The following GABRG3 variants were observed in gnomAD, a reference collection of about 807,000 sequenced individuals.
The protein encoded by GABRG3 is gamma-aminobutyric acid type A receptor subunit gamma3, also known as gamma-aminobutyric acid receptor subunit gamma-3.
A neutral mutation model predicts 48.8 loss-of-function variants in GABRG3; 25 were observed. The observed-to-expected ratio is 0.51, with a 90% confidence interval of 0.37 to 0.72. GABRG3 has a LOEUF of 0.72. Among genes scored for constraint, GABRG3 ranks in the 30% least tolerant of loss-of-function variants. The pLI is 0.00. For missense variants in GABRG3, 394 were observed against 577.9 expected, an observed-to-expected ratio of 0.68 and a Z score of 3.26; for synonymous variants, 227 against 217.6, an observed-to-expected ratio of 1.04 and a Z score of -0.38.
At chr15:27,062,579 G>A (rs1161485717) in intron 3 of GABRG3, among the ~76,000 whole-genome samples, 4 of 152,028 alleles carry the variant, frequency 2.6e-5, no homozygotes, top group South Asian at 4.1e-4. Flanking sequence ...TTACACTGCA[G>A]CCTGGGCGAC....
intron 3 of GABRG3, among the ~76,000 whole-genome samples, chr15:27,326,450 A>G (rs1312336498): frequency 2.0e-5 from 3 of 152,172 alleles, no homozygotes; most frequent in Non-Finnish European, 4.4e-5. Context: ...CATTTTATAG[A>G]TCAGAGAACA....
intron 1 of GABRG3, among the ~76,000 whole-genome samples, chr15:26,971,876 G>A (rs1019670955): frequency 6.6e-6 from 1 of 152,174 alleles, no homozygotes; most frequent in African/African-American, 2.4e-5. Flanking sequence ...ACCAGGTTCA[G>A]GGGGCAGGGG....
At chr15:27,127,793 G>A (rs987505435) in intron 3 of GABRG3, among the ~76,000 whole-genome samples, 29 of 151,746 alleles carry the variant, frequency 1.9e-4, no homozygotes, top group African/African-American at 9.7e-5. Context: ...AACAATACAC[G>A]TGTTTACAAC....
At chr15:27,194,276 A>T (rs534718368) in intron 3 of GABRG3, among the ~76,000 whole-genome samples, 1 of 152,360 alleles carries the variant, frequency 6.6e-6, no homozygotes, top group South Asian at 2.1e-4. Flanking sequence ...TTATGATTCA[A>T]CCATCAAATG....
rs1425680714 is a variant in GABRG3 at position 26,976,202 on chromosome 15, A to G, written c.54-800A>G. On this transcript the variant is annotated intron_variant, in intron 1 of 9. Transcript: ENST00000615808. The surrounding 1 kb of genome is among the most constrained non-coding windows in gnomAD (Gnocchi z 7.8). ...CTCCTGTCAGTGTGTGTCACACGGG[A>G]GAGGAGGCTGTCCAGCTCCTCCCTG... is the stretch of plus-strand genomic sequence containing the variant. Among the ~76,000 whole-genome samples the G allele has an allele frequency of 6.6e-6, 1 of 152,092 alleles. No individual in the cohort carries two copies. Among genetic ancestry groups the G allele is most frequent in the Non-Finnish European group, 1.5e-5 (1 of 68,024 alleles).
intron 3 of GABRG3, among the ~76,000 whole-genome samples, chr15:27,057,725 T>C (rs1896574985): frequency 6.6e-6 from 1 of 152,220 alleles, no homozygotes; most frequent in Non-Finnish European, 1.5e-5. Context: ...CACGTACTTA[T>C]TCTTTGGAAA....
chr15:27,315,231 A>G (rs1423872085), intron 3 of GABRG3, among the ~76,000 whole-genome samples: 1 of 152,244 alleles, frequency 6.6e-6, no homozygotes, highest in Non-Finnish European at 1.5e-5. Context: ...CTAAGTGATA[A>G]CAGATTAGCA....
chr15:27,336,489 A>G (rs979627388), intron 5 of GABRG3, among the ~76,000 whole-genome samples: 3 of 152,210 alleles, frequency 2.0e-5, no homozygotes, highest in Admixed American at 2.0e-4. Context: ...ATCACTACAT[A>G]CCTATTAGAA....
At chr15:27,403,033 G>C (rs1220412264) in intron 5 of GABRG3, among the ~76,000 whole-genome samples, 2 of 151,988 alleles carry the variant, frequency 1.3e-5, no homozygotes, top group Non-Finnish European at 2.9e-5. Flanking sequence ...ACCATTACTA[G>C]AATGTTCAAG....
At chr15:27,425,788 A>G (rs550515101) in intron 5 of GABRG3, among the ~76,000 whole-genome samples, 3 of 152,334 alleles carry the variant, frequency 2.0e-5, no homozygotes, top group East Asian at 3.9e-4. Context: ...TGTAATTGGT[A>G]TGAAGGTTTA....
At chr15:27,385,702 C>A (rs1374294062) in intron 5 of GABRG3, among the ~76,000 whole-genome samples, 1 of 152,110 alleles carries the variant, frequency 6.6e-6, no homozygotes, top group Non-Finnish European at 1.5e-5. Flanking sequence ...CCTTTCAAAT[C>A]CAGAATTTTC....
At chr15:27,030,219 T>C (rs1230883470) in intron 3 of GABRG3, among the ~76,000 whole-genome samples, 1 of 152,234 alleles carries the variant, frequency 6.6e-6, no homozygotes. Context: ...GGTAAAATTA[T>C]GGCTTCTTGT....
chr15:27,383,435 T>A (rs931410988), intron 5 of GABRG3, among the ~76,000 whole-genome samples: 4 of 152,200 alleles, frequency 2.6e-5, no homozygotes, highest in South Asian at 2.1e-4. Flanking sequence ...GGCTGTGGCT[T>A]TGGGCAACTC....
At chr15:27,242,458 G>T (rs934931349) in intron 3 of GABRG3, among the ~76,000 whole-genome samples, 9 of 152,146 alleles carry the variant, frequency 5.9e-5, no homozygotes, top group African/African-American at 2.2e-4. Flanking sequence ...AATCCAGTGA[G>T]GTCTTGCCTG....
intron 6 of GABRG3, among the ~76,000 whole-genome samples, chr15:27,498,340 A>G (rs1055522090): frequency 2.0e-5 from 3 of 151,936 alleles, no homozygotes; most frequent in African/African-American, 7.3e-5. Flanking sequence ...CTCTGCTTCT[A>G]AATTATTTGT....
At chr15:27,490,421 T>C (rs988510795) in intron 6 of GABRG3, among the ~76,000 whole-genome samples, 71 of 152,290 alleles carry the variant, frequency 4.7e-4, no homozygotes, top group African/African-American at 1.7e-3. Flanking sequence ...GGAGCTTACA[T>C]AGGTGATGTC....
At chr15:27,527,199 T>C (rs1338855723) in intron 7 of GABRG3, among the ~76,000 whole-genome samples, 2 of 152,246 alleles carry the variant, frequency 1.3e-5, no homozygotes, top group East Asian at 3.8e-4. Flanking sequence ...TTGAAAGGTG[T>C]TGATTTGATT....
intron 5 of GABRG3, among the ~76,000 whole-genome samples, chr15:27,338,776 C>A (rs1031115553): frequency 1.3e-5 from 2 of 152,172 alleles, no homozygotes; most frequent in African/African-American, 4.8e-5. Flanking sequence ...GACAAACCAG[C>A]AAATGTATAT....
intron 3 of GABRG3, among the ~76,000 whole-genome samples, chr15:27,284,366 T>C (rs1891539467): frequency 6.6e-6 from 1 of 152,198 alleles, no homozygotes; most frequent in African/African-American, 2.4e-5. Context: ...ATTCCCCAAA[T>C]ATTTGCCAAG....
Sources: allele counts gnomAD v4.1 joint callset (sites outside exome capture counted in the v4.1 genomes callset), GRCh38; gene constraint gnomAD v4.1.1; non-coding constraint Gnocchi (gnomAD v3.1); transcripts MANE v1.5; gene names NCBI Gene and HGNC (gene_info 2026-07-23, HGNC 2026-07-21).